Variants in LETM1 observed in about 807,000 individuals in gnomAD.
LETM1 encodes the protein mitochondrial proton/calcium exchanger protein.
A neutral mutation model predicts 74.5 loss-of-function variants in LETM1; 50 were observed. That is an observed-to-expected ratio of 0.67 (90% CI 0.53 to 0.85). The LOEUF (loss-of-function observed/expected upper bound fraction) is 0.85, where lower values mean the gene tolerates loss of function less well. Among genes scored for constraint, LETM1 ranks in the 40% least tolerant of loss-of-function variants. The probability of loss-of-function intolerance (pLI) is 0.00; values close to 1 mark genes in which losing one functional copy is unlikely to be tolerated. For synonymous variants in LETM1, 446 were observed against 407.1 expected (o/e 1.10, Z -1.15); for missense variants, 824 against 967.8 (o/e 0.85, Z 1.97).
At position 1,816,633 on chromosome 4, in the gene LETM1, T is replaced by C. The variant is rs1302709596; in HGVS notation, c.1931+94A>G. 5.0e-5 allele frequency: 64 copies of C among 1,275,568 alleles called. 1 individual carries two copies. The highest frequency in any genetic ancestry group is 6.4e-5 in the Non-Finnish European group (59 of 915,902). 79.0% of individuals were successfully genotyped at this position (1,275,568 alleles called of 1,614,324 possible). On this transcript the variant is annotated intron_variant, in intron 12 of 13. Transcript: ENST00000302787. ...CCAGGCAGAGGCTACAATGTGCCCT[T>C]TGGAGCCAGAAGGGCCCAGCTCGGA...
At chr4:1,850,071 T>C (rs1713015135) in intron 1 of LETM1, among the ~76,000 whole-genome samples, 1 of 152,036 alleles carries the variant, frequency 6.6e-6, no homozygotes, top group Non-Finnish European at 1.5e-5. Context: ...GGAGAATAGC[T>C]TGAACCTGGG....
chr4:1,824,548 A>C (rs1384921751), intron 7 of LETM1, among the ~76,000 whole-genome samples: 3 of 152,110 alleles, frequency 2.0e-5, no homozygotes, highest in African/African-American at 7.2e-5. Context: ...TAAGAGAAGA[A>C]AGGCAACGCT....
chr4:1,844,098 C>G (rs571123796), intron 2 of LETM1, among the ~76,000 whole-genome samples: 55 of 152,260 alleles, frequency 3.6e-4, no homozygotes, highest in African/African-American at 1.2e-3. Context: ...CAGGCAAAGA[C>G]GAAGACTCGG....
rs1483797479 is a variant in LETM1, at chr4:1,855,966, G to C, written c.-16C>G. On this transcript the variant is annotated 5_prime_UTR_variant, in exon 1 of 14. Transcript: ENST00000302787. Reference sequence around the variant, plus strand: ...TGGACGCCATGTGCTCGGGCGCGGCGGCCGCTCCGGCCTCCTGCGCTGCCT... The same window carrying C: ...TGGACGCCATGTGCTCGGGCGCGGCCGCCGCTCCGGCCTCCTGCGCTGCCT... The C allele has an allele frequency of 9.1e-6, 11 of 1,206,340 alleles. No individual in the cohort carries two copies. The East Asian group carries it at 3.4e-4, about 38-fold the overall frequency. The allele number at this position is 1,206,340 out of a possible 1,614,324, so 74.7% of individuals were successfully genotyped here.
chr4:1,840,137 C>A (rs1402083523), intron 3 of LETM1, among the ~76,000 whole-genome samples: 2 of 151,998 alleles, frequency 1.3e-5, no homozygotes, highest in African/African-American at 4.8e-5. Flanking sequence ...CAGCACTTTG[C>A]GAGGCCAAGG....
intron 1 of LETM1, among the ~76,000 whole-genome samples, chr4:1,851,186 C>G (rs984325227): frequency 4.6e-5 from 7 of 152,170 alleles, no homozygotes; most frequent in Non-Finnish European, 1.0e-4. Context: ...CCAGAGGCAC[C>G]AGCCCACGGA....
At chr4:1,822,375 C>G in intron 9 of LETM1, 63 bp from the exon 10 acceptor site, 1 of 1,378,810 alleles carries the variant, frequency 7.3e-7, no homozygotes, top group Non-Finnish European at 9.5e-7. Flanking sequence ...TTCTTGCTCC[C>G]CGAAGCTCAG....
rs972521199 is a variant in LETM1 at position 1,841,737 on chromosome 4, A to G, written c.204T>C (p.Asp68=). 1.2e-6 allele frequency: 2 copies of G among 1,614,016 alleles called. No individual in the cohort carries two copies. Among genetic ancestry groups the G allele is most frequent in the Non-Finnish European group, 8.5e-7 (1 of 1,180,030 alleles). The change falls in exon 3 of 14, where the codon GAT becomes GAC. Residue 68 remains aspartate, a synonymous_variant. Coordinates refer to ENST00000302787, the MANE Select transcript of LETM1 (RefSeq NM_012318.3). ...IHPVYTSSRG[D]HLGCWALRPE... ...GCCTCAGAGCCCAACAGCCGAGGTG[A>G]TCGCCTCTGGAGGATGTGTACACAG...
chr4:1,824,303 A>G (rs1711903741), intron 7 of LETM1, among the ~76,000 whole-genome samples: 1 of 152,212 alleles, frequency 6.6e-6, no homozygotes, highest in Non-Finnish European at 1.5e-5. Flanking sequence ...CCTGTGTGAC[A>G]GAGCAAGACT....
chr4:1,827,960 G>T (rs1211358497), intron 6 of LETM1, among the ~76,000 whole-genome samples: 82 of 148,448 alleles, frequency 5.5e-4, no homozygotes, highest in African/African-American at 2.0e-3. Context: ...CGGCTGGCCG[G>T]GCAGAGGGGC....
chr4:1,837,151 G>C, intron 3 of LETM1, among the ~76,000 whole-genome samples: 1 of 152,234 alleles, frequency 6.6e-6, no homozygotes, highest in South Asian at 2.1e-4. Flanking sequence ...AAAACAGCGC[G>C]GGTGATGCTG....
intron 2 of LETM1, 114 bp downstream of exon 2, chr4:1,849,035 C>G (rs1355616206): frequency 1.4e-6 from 1 of 730,152 alleles, no homozygotes; most frequent in African/African-American, 1.8e-5. Context: ...AAACAAAGAA[C>G]AGGAAAGTAG....
At chr4:1,831,398 C>T (rs1052084905) in intron 6 of LETM1, among the ~76,000 whole-genome samples, 2 of 152,238 alleles carry the variant, frequency 1.3e-5, no homozygotes, top group Non-Finnish European at 2.9e-5. Context: ...GGTGTCTCCC[C>T]CAGTAGGAGG....
chr4:1,816,750 G>A lies in LETM1; in HGVS notation c.1908C>T (p.Ala636=). 3 of 1,614,118 alleles carry A rather than the reference G, an allele frequency of 1.9e-6. No individual in the cohort carries two copies. Among genetic ancestry groups the A allele is most frequent in the South Asian group, 1.1e-5 (1 of 91,086 alleles). ...LEMDQQAGKL[A]PANGMPTGEN... is the part of the protein sequence containing the mutation. ...ACCCCGTGGGCATGCCGTTGGCCGG[G>A]GCCAGCTTGCCAGCCTGCTGGTCCA... Residue 636 remains alanine (A), a synonymous_variant, in exon 12 of 14, where the codon GCC becomes GCT. Transcript: ENST00000302787.
intron 11 of LETM1, among the ~76,000 whole-genome samples, chr4:1,817,427 G>A (rs1711608408): frequency 6.6e-6 from 1 of 151,468 alleles, no homozygotes; most frequent in Non-Finnish European, 1.5e-5. Flanking sequence ...CAGGCGTGGT[G>A]GTGCACACCT....
In LETM1 at chr4:1,834,426, C is replaced by G. The variant is rs1188471629; in HGVS notation, c.876+419G>C. 1.6e-5 allele frequency: 16 copies of G among 999,502 alleles called. No individual in the cohort carries two copies. The highest frequency in any genetic ancestry group is 1.8e-5 in the Non-Finnish European group (15 of 839,126). 61.9% of individuals were successfully genotyped at this position (999,502 alleles called of 1,614,324 possible). Reference sequence around the variant, plus strand: ...CGCTCCTCCTCTCCAGCCCCCACTGCTCCCACAGTCCAGGCCTCTGACCAG... The same window carrying G: ...CGCTCCTCCTCTCCAGCCCCCACTGGTCCCACAGTCCAGGCCTCTGACCAG... On this transcript the variant is annotated intron_variant, in intron 5 of 13. Transcript: ENST00000302787. The surrounding 1 kb of genome is among the most constrained non-coding windows in gnomAD (Gnocchi z 5.0).
At chr4:1,833,273 T>C (rs1712345367) in intron 5 of LETM1, 3 of 326,228 alleles carry the variant, frequency 9.2e-6, no homozygotes, top group Non-Finnish European at 1.8e-5. Context: ...TTTCACTATG[T>C]TGGCCAGGCT....
rs970679636 is a variant in LETM1, at chr4:1,855,941, T to C, written c.10A>G (p.Ile4Val). ...CGGCCGCGGCAGCTCCTCAGTAAGA[T>C]GGACGCCATGTGCTCGGGCGCGGCG... MAS[I>V]LLRSCRGRAP... The change falls in exon 1 of 14, where the codon ATC (isoleucine) becomes GTC (valine). Residue 4 changes from isoleucine (I) to valine (V), a missense_variant. Physicochemically the swap from Ile to Val is conservative, Grantham distance 29 (BLOSUM62 3). This residue lies in a region of LETM1 where 222 missense variants were observed against 195.6 expected (regional missense o/e 1.14). Coordinates refer to ENST00000302787, the MANE Select transcript of LETM1 (RefSeq NM_012318.3). 1.6e-5 allele frequency: 20 copies of C among 1,224,218 alleles called. No homozygotes were observed. The highest frequency in any genetic ancestry group is 7.3e-5 in the South Asian group (2 of 27,410). 75.8% of individuals were successfully genotyped at this position (1,224,218 alleles called of 1,614,324 possible). A position where few individuals can be genotyped will look rare whatever the true frequency, so the allele number is the denominator to read the frequency against.
At chr4:1,821,172 A>G (rs1288166065) in intron 10 of LETM1, among the ~76,000 whole-genome samples, 6 of 149,906 alleles carry the variant, frequency 4.0e-5, no homozygotes, top group African/African-American at 1.5e-4. Flanking sequence ...CACCCACTGC[A>G]AGCTCTGCCT....
Sources: allele counts gnomAD v4.1 joint callset (sites outside exome capture counted in the v4.1 genomes callset), GRCh38; gene constraint gnomAD v4.1.1; regional missense constraint gnomAD v4.1.1; non-coding constraint Gnocchi (gnomAD v3.1); transcripts MANE v1.5; gene names NCBI Gene and HGNC (gene_info 2026-07-23, HGNC 2026-07-21).